RBM6: variants seen among roughly 807,000 people sequenced by gnomAD.
The protein encoded by RBM6 is RNA binding motif protein 6, also known as RNA-binding protein 6.
Under a neutral mutation model 140.4 loss-of-function variants are expected in RBM6, and 23 were observed. The observed-to-expected ratio is 0.16, with a 90% confidence interval of 0.12 to 0.23. The LOEUF (loss-of-function observed/expected upper bound fraction) is 0.23. Among genes scored for constraint, RBM6 ranks in the 10% least tolerant of loss-of-function variants. The pLI, the probability that RBM6 is intolerant of heterozygous loss-of-function variation, is 1.00. For missense variants in RBM6, 1,139 were observed against 1,386.7 expected (o/e 0.82, Z 2.84); for synonymous variants, 439 against 475.6 (o/e 0.92, Z 1.00).
chr3:49,987,490 G>T (rs935307165), intron 5 of RBM6, among the ~76,000 whole-genome samples: 1 of 151,496 alleles, frequency 6.6e-6, no homozygotes, highest in Non-Finnish European at 1.5e-5. Context: ...TAAATTTTTT[G>T]TAATTTTAGT....
rs554629559 is a variant in RBM6, at chr3:50,055,973, T to C, written c.1693+1578T>C. On this transcript the variant is annotated intron_variant, in intron 8 of 20. Transcript: ENST00000266022. ...AAAGCCACAGCATGACCATAAAATA[T>C]AGTTCAGTGCAGGGATTCAGGTAGC... 3.9e-5 allele frequency among the ~76,000 whole-genome samples: 6 copies of C among 152,264 alleles called. No individual in the cohort carries two copies. In the East Asian group the frequency reaches 9.7e-4, roughly 24 times the overall value.
At chr3:49,993,704 A>AC (rs2085936080) in intron 5 of RBM6, among the ~76,000 whole-genome samples, 2 of 106,712 alleles carry the variant, frequency 1.9e-5, no homozygotes. Flanking sequence ...ATTTTTCTTT[A>AC]AAAAAAAAAA....
At chr3:49,999,648 G>A (rs1435839557) in intron 6 of RBM6, 135 bp downstream of exon 6, 3 of 749,036 alleles carry the variant, frequency 4.0e-6, no homozygotes, top group Non-Finnish European at 6.7e-6. Flanking sequence ...CCAACCATCG[G>A]TTGTGAGGAA....
intron 1 of RBM6, among the ~76,000 whole-genome samples, chr3:49,956,275 CCTT>C (rs1286876097): frequency 1.3e-5 from 2 of 150,960 alleles, no homozygotes; most frequent in African/African-American, 4.9e-5. Flanking sequence ...CCTGCCTTAG[CCTT>C]CCAAAGTGTT....
intron 6 of RBM6, among the ~76,000 whole-genome samples, chr3:50,014,056 A>T (rs754211194): frequency 6.6e-6 from 1 of 152,224 alleles, no homozygotes; most frequent in Non-Finnish European, 1.5e-5. Context: ...GAGGTTGAAA[A>T]ATACTGGTGT....
intron 17 of RBM6, among the ~76,000 whole-genome samples, chr3:50,067,136 G>A (rs935789444): frequency 8.4e-5 from 11 of 130,960 alleles, no homozygotes; most frequent in Non-Finnish European, 1.5e-4. Context: ...GCAGTGAACC[G>A]AGATCACACC....
chr3:50,026,295 C>T (rs1169615916), intron 6 of RBM6, among the ~76,000 whole-genome samples: 1 of 151,586 alleles, frequency 6.6e-6, no homozygotes, highest in African/African-American at 2.4e-5. Flanking sequence ...GTTGGCCAGG[C>T]TGGTCTCAAA....
chr3:50,021,740 C>CTTTT (rs542734328), intron 6 of RBM6, among the ~76,000 whole-genome samples: 1,796 of 42,770 alleles, frequency 0.042, 653 homozygotes, highest in East Asian at 0.12. Flanking sequence ...AATTTAAGTG[C>CTTTT]TTTTTTTTTT....
At chr3:49,944,952 C>T (rs930498599) in intron 1 of RBM6, among the ~76,000 whole-genome samples, 2 of 151,472 alleles carry the variant, frequency 1.3e-5, no homozygotes, top group Non-Finnish European at 2.9e-5. Flanking sequence ...TCTCGGCTCA[C>T]TCCAAGCTCC....
intron 6 of RBM6, among the ~76,000 whole-genome samples, chr3:50,030,430 C>T (rs1350689966): frequency 6.6e-6 from 1 of 151,772 alleles, no homozygotes; most frequent in Non-Finnish European, 1.5e-5. Context: ...AATACACAAA[C>T]AGAGCTCCAC....
intron 1 of RBM6, among the ~76,000 whole-genome samples, chr3:49,945,690 G>C (rs1010054861): frequency 2.6e-5 from 4 of 151,898 alleles, no homozygotes; most frequent in African/African-American, 9.7e-5. Flanking sequence ...AGACCATCCT[G>C]GCCAACACGG....
At chr3:50,006,630 G>A (rs1194964310) in intron 6 of RBM6, among the ~76,000 whole-genome samples, 1 of 152,112 alleles carries the variant, frequency 6.6e-6, no homozygotes, top group South Asian at 2.1e-4. Flanking sequence ...TGCATGTAAG[G>A]TGATTAGAAC....
intron 6 of RBM6, among the ~76,000 whole-genome samples, chr3:50,018,198 C>A (rs934699602): frequency 2.6e-5 from 4 of 152,206 alleles, no homozygotes; most frequent in Non-Finnish European, 5.9e-5. Flanking sequence ...CTCTTGCAAA[C>A]CCCTGCAACC....
intron 15 of RBM6, 64 bp downstream of exon 15, chr3:50,062,172 CAG>C: frequency 6.5e-7 from 1 of 1,540,798 alleles, no homozygotes; most frequent in Non-Finnish European, 8.8e-7. Context: ...GAGGTACGAA[CAG>C]AGGATATCTA....
chr3:50,009,853 T>C (rs149488102), intron 6 of RBM6, among the ~76,000 whole-genome samples: 1 of 152,236 alleles, frequency 6.6e-6, no homozygotes, highest in East Asian at 1.9e-4. Flanking sequence ...TGAGCCACTG[T>C]ACCCAGCCTA....
intron 7 of RBM6, among the ~76,000 whole-genome samples, chr3:50,049,056 C>T (rs564636723): frequency 6.6e-6 from 1 of 151,916 alleles, no homozygotes; most frequent in South Asian, 2.1e-4. Flanking sequence ...CCTGCCTCAG[C>T]CTCCCAAAGT....
rs1575572324 is a variant in RBM6, at chr3:49,967,860, T to C, written c.435T>C (p.Tyr145=). The change falls in exon 3 of 21, where the codon TAT becomes TAC. Residue 145 remains tyrosine (Y), a synonymous_variant. Coordinates refer to ENST00000266022, the MANE Select transcript of RBM6 (RefSeq NM_005777.3). The surrounding 1 kb of genome is among the most constrained non-coding windows in gnomAD (Gnocchi z 4.0). ...YRGGDGTSMD[Y]RGREAPHMNY... ...GTGGAGATGGTACTTCTATGGATTATAGAGGTAGGGAGGCACCTCATATGA... is the reference window on the plus strand; with the variant it reads ...GTGGAGATGGTACTTCTATGGATTACAGAGGTAGGGAGGCACCTCATATGA... 3 of 1,614,152 alleles carry C rather than the reference T, an allele frequency of 1.9e-6. No individual in the cohort carries two copies. The highest frequency in any genetic ancestry group is 1.7e-6 in the Non-Finnish European group (2 of 1,180,036).
intron 19 of RBM6, among the ~76,000 whole-genome samples, chr3:50,072,065 C>G (rs1243476612): frequency 9.6e-6 from 1 of 103,844 alleles, no homozygotes; most frequent in Non-Finnish European, 1.8e-5. Flanking sequence ...GCCTGGGTGA[C>G]AGAGCAAGAC....
At chr3:49,979,192 A>G (rs544913892) in intron 5 of RBM6, among the ~76,000 whole-genome samples, 1 of 152,318 alleles carries the variant, frequency 6.6e-6, no homozygotes, top group South Asian at 2.1e-4. Context: ...ATATTGTGCA[A>G]TTCAGTTTAT....
Sources: allele counts gnomAD v4.1 joint callset (sites outside exome capture counted in the v4.1 genomes callset), GRCh38; gene constraint gnomAD v4.1.1; non-coding constraint Gnocchi (gnomAD v3.1); transcripts MANE v1.5; gene names NCBI Gene and HGNC (gene_info 2026-07-23, HGNC 2026-07-21).